TCEA3: variants seen among roughly 807,000 people sequenced by gnomAD.
The protein encoded by TCEA3 is transcription elongation factor A3.
In TCEA3, 36 loss-of-function variants were observed where a neutral mutation model predicts 44.0. That is an observed-to-expected ratio of 0.82 (90% CI 0.63 to 1.08). The LOEUF (loss-of-function observed/expected upper bound fraction) is 1.08. Among genes scored for constraint, TCEA3 ranks in the 50% least tolerant of loss-of-function variants. The pLI, the probability that TCEA3 is intolerant of heterozygous loss-of-function variation, is 0.00. For missense variants in TCEA3, 392 were observed against 441.2 expected (o/e 0.89, Z 1.00); for synonymous variants, 162 against 159.7 (o/e 1.01, Z -0.11).
chr1:23,384,397 A>G lies in TCEA3; in HGVS notation c.987T>C (p.Asp329=), dbSNP rs1284725108. ...TYNQVQTRSA[D]EPMTTFVLCN... is the part of the protein sequence containing the mutation. ...ATAAGACAAAGGTAGTCATGGGCTC[A>G]TCAGCACTGCGTGTCTGCACCTGAG... is the stretch of plus-strand genomic sequence containing the variant. The change falls in exon 10 of 11, where the codon GAT becomes GAC. Residue 329 remains aspartate (D), a synonymous_variant. Coordinates refer to ENST00000450454, the MANE Select transcript of TCEA3 (RefSeq NM_003196.3). The G allele has an allele frequency of 6.2e-7, 1 of 1,613,492 alleles. No individual in the cohort carries two copies. Among genetic ancestry groups the G allele is most frequent in the Non-Finnish European group, 8.5e-7 (1 of 1,179,714 alleles).
intron 4 of TCEA3, chr1:23,412,052 A>C (rs1639724372): frequency 6.6e-6 from 1 of 152,174 alleles, no homozygotes; most frequent in African/African-American, 2.4e-5. Context: ...TTAAATAAAC[A>C]ACCCTCCTGC....
At chr1:23,414,011 A>ATATATATATATATATATATATATAT (rs1210982291) in intron 4 of TCEA3, among the ~76,000 whole-genome samples, 1 of 123,636 alleles carries the variant, frequency 8.1e-6, no homozygotes, top group African/African-American at 2.9e-5. Flanking sequence ...TATATATATA[A>ATATATATATATATATATATATATAT]ATTTTATATG....
At position 23,381,333 on chromosome 1, in the gene TCEA3, C is replaced by G. The variant is rs1638667323; in HGVS notation, c.*133G>C. On this transcript the variant is annotated 3_prime_UTR_variant, in exon 11 of 11. Transcript: ENST00000450454. Reference sequence around the variant, plus strand: ...TTATTAATTTGCAAGAGAATTCTTCCTCTAACTCATACCATCCCACTCAGA... The same window carrying G: ...TTATTAATTTGCAAGAGAATTCTTCGTCTAACTCATACCATCCCACTCAGA... 1 of 698,748 alleles carries G rather than the reference C, an allele frequency of 1.4e-6. No homozygotes were observed. Among genetic ancestry groups the G allele is most frequent in the South Asian group, 1.6e-5 (1 of 60,720 alleles). 43.3% of individuals were successfully genotyped at this position (698,748 alleles called of 1,614,324 possible). A position where few individuals can be genotyped will look rare whatever the true frequency, so the allele number is the denominator to read the frequency against.
intron 9 of TCEA3, among the ~76,000 whole-genome samples, chr1:23,384,815 C>T (rs957248021): frequency 5.9e-5 from 9 of 151,864 alleles, no homozygotes; most frequent in African/African-American, 1.2e-4. Flanking sequence ...TACAGGCGCC[C>T]GCCACCACGC....
chr1:23,383,524 A>G (rs1638733122), intron 10 of TCEA3: 3 of 933,084 alleles, frequency 3.2e-6, no homozygotes, highest in African/African-American at 1.8e-5. Flanking sequence ...CATTATTATT[A>G]CTCTTTTGCT....
chr1:23,393,035 G>C (rs1489652261), intron 8 of TCEA3, among the ~76,000 whole-genome samples: 2 of 152,074 alleles, frequency 1.3e-5, no homozygotes, highest in East Asian at 3.9e-4. Context: ...TTGTTTTCCT[G>C]CAACTAGATG....
intron 8 of TCEA3, among the ~76,000 whole-genome samples, chr1:23,389,421 T>G (rs1485171990): frequency 6.6e-6 from 1 of 150,878 alleles, no homozygotes; most frequent in Non-Finnish European, 1.5e-5. Context: ...CCTGGGAGGT[T>G]TAAGTTGCAG....
intron 7 of TCEA3, 137 bp from the exon 8 acceptor site, chr1:23,394,170 C>T (rs1349799619): frequency 1.9e-6 from 2 of 1,031,360 alleles, no homozygotes; most frequent in South Asian, 3.5e-5. Flanking sequence ...TCTTTTGTGA[C>T]CTCTGACTCT....
Position 23,419,066 on chromosome 1 carries a change from C to A in TCEA3, c.132+11G>T. 1 of 1,498,342 alleles carries A rather than the reference C, an allele frequency of 6.7e-7. No individual in the cohort carries two copies. Among genetic ancestry groups the A allele is most frequent in the Non-Finnish European group, 9.1e-7 (1 of 1,101,262 alleles). The allele number at this position is 1,498,342 out of a possible 1,614,324, so 92.8% of individuals were successfully genotyped here. A position where few individuals can be genotyped will look rare whatever the true frequency, so the allele number is the denominator to read the frequency against. ...CAGGCACTGTCCCAAGGCTTCCCAC[C>A]CCCGCCCCACCTGTAGTAGCTGGAT... On this transcript the variant is annotated intron_variant, in intron 2 of 10. Coordinates refer to ENST00000450454, the MANE Select transcript of TCEA3 (RefSeq NM_003196.3).
At chr1:23,388,853 AT>A (rs1347468820) in intron 8 of TCEA3, among the ~76,000 whole-genome samples, 5 of 151,804 alleles carry the variant, frequency 3.3e-5, no homozygotes, top group Non-Finnish European at 5.9e-5. Flanking sequence ...CTGGTTAATT[AT>A]TTTTTGTATA....
chr1:23,416,840 T>C (rs1426395925), intron 4 of TCEA3, among the ~76,000 whole-genome samples: 1 of 152,214 alleles, frequency 6.6e-6, no homozygotes, highest in East Asian at 1.9e-4. Context: ...CTTGGAATCT[T>C]TGTCTTTGGG....
At chr1:23,409,427 T>A (rs1639648399) in intron 4 of TCEA3, among the ~76,000 whole-genome samples, 2 of 152,324 alleles carry the variant, frequency 1.3e-5, no homozygotes, top group South Asian at 4.1e-4. Flanking sequence ...ATATAGTTAT[T>A]CCTTTTACTG....
chr1:23,408,709 G>C lies in TCEA3; in HGVS notation c.398C>G (p.Ser133Cys), dbSNP rs376026546. 1.2e-6 allele frequency: 2 copies of C among 1,609,682 alleles called. No individual in the cohort carries two copies. The highest frequency in any genetic ancestry group is 2.7e-5 in the African/African-American group (2 of 74,880). ...TGGAGAGGAGGAGGCAGAAGACTTGGAGTCCACAGAGTCTCTCCTGAAAGA... is the reference window on the plus strand; with the variant it reads ...TGGAGAGGAGGAGGCAGAAGACTTGCAGTCCACAGAGTCTCTCCTGAAAGA... ...DPKTRRDSVDSKSSASSSPKR... is the reference protein window; with the variant it reads ...DPKTRRDSVDCKSSASSSPKR... Residue 133 changes from serine (S) to cysteine (C), a missense_variant, in exon 5 of 11, where the codon TCC becomes TGC. Coordinates refer to ENST00000450454, the MANE Select transcript of TCEA3 (RefSeq NM_003196.3).
chr1:23,396,517 C>T (rs551889330), intron 7 of TCEA3, among the ~76,000 whole-genome samples: 2 of 152,170 alleles, frequency 1.3e-5, no homozygotes, highest in East Asian at 3.9e-4. Flanking sequence ...GCAGGGGGCA[C>T]ATGGAAAGGA....
intron 1 of TCEA3, among the ~76,000 whole-genome samples, chr1:23,419,586 C>T (rs911479049): frequency 1.6e-4 from 25 of 152,182 alleles, no homozygotes; most frequent in African/African-American, 5.3e-4. Flanking sequence ...CCTATAATTC[C>T]GGCACTTTGG....
intron 5 of TCEA3, among the ~76,000 whole-genome samples, chr1:23,407,241 G>A (rs942586925): frequency 6.6e-6 from 1 of 151,990 alleles, no homozygotes; most frequent in Non-Finnish European, 1.5e-5. Context: ...AGATATATCC[G>A]GAAACCACCC....
At chr1:23,382,848 A>C (rs1638703393) in intron 10 of TCEA3, among the ~76,000 whole-genome samples, 2 of 152,244 alleles carry the variant, frequency 1.3e-5, no homozygotes. Context: ...CTAAACCAGT[A>C]GGCCACTATA....
At chr1:23,409,649 G>A (rs1233525294) in intron 4 of TCEA3, among the ~76,000 whole-genome samples, 1 of 152,096 alleles carries the variant, frequency 6.6e-6, no homozygotes, top group African/African-American at 2.4e-5. Context: ...CTGGGTTCAA[G>A]TGACTCTCCT....
At chr1:23,401,735 C>T (rs2148564140) in intron 5 of TCEA3, among the ~76,000 whole-genome samples, 1 of 152,254 alleles carries the variant, frequency 6.6e-6, no homozygotes, top group African/African-American at 2.4e-5. Flanking sequence ...AAGTCACTCC[C>T]CTGCCTCTAA....
Sources: allele counts gnomAD v4.1 joint callset (sites outside exome capture counted in the v4.1 genomes callset), GRCh38; gene constraint gnomAD v4.1.1; transcripts MANE v1.5; gene names NCBI Gene and HGNC (gene_info 2026-07-23, HGNC 2026-07-21).